AIG1: variants seen among roughly 807,000 people sequenced by gnomAD.
AIG1 encodes the protein androgen induced 1, also known as androgen-induced gene 1 protein.
In AIG1, 23 loss-of-function variants were observed where a neutral mutation model predicts 31.4. The observed-to-expected ratio is 0.73, with a 90% CI of 0.53 to 1.04. The LOEUF is 1.04. Ranked by LOEUF, AIG1 falls within the 50% of genes least tolerant of loss-of-function variation. AIG1 has a pLI of 0.00. For synonymous variants in AIG1, 100 were observed against 110.5 expected (o/e 0.90, Z 0.60); for missense variants, 274 against 295.0 (o/e 0.93, Z 0.52).
chr6:143,337,662 G>T (rs1705057478), intron 5 of AIG1, among the ~76,000 whole-genome samples: 1 of 152,150 alleles, frequency 6.6e-6, no homozygotes, highest in Admixed American at 6.5e-5. Flanking sequence ...AGGCAAGCGG[G>T]GAGACAGGAG....
At chr6:143,086,023 T>G (rs1274445351) in intron 1 of AIG1, among the ~76,000 whole-genome samples, 2 of 152,256 alleles carry the variant, frequency 1.3e-5, no homozygotes, top group African/African-American at 4.8e-5. Context: ...TTTTTTGACT[T>G]AGAATAGTTC....
chr6:143,277,335 T>C (rs1172204554), intron 3 of AIG1, among the ~76,000 whole-genome samples: 2 of 152,226 alleles, frequency 1.3e-5, no homozygotes, highest in African/African-American at 2.4e-5. Context: ...AATATAGCTA[T>C]AAACTTATTG....
At chr6:143,167,771 A>G (rs1236504144) in intron 3 of AIG1, among the ~76,000 whole-genome samples, 8 of 152,186 alleles carry the variant, frequency 5.3e-5, no homozygotes, top group African/African-American at 1.7e-4. Flanking sequence ...AAATTAGTTA[A>G]TATGTCAAAT....
In AIG1 at chr6:143,137,791, G is replaced by C. The variant is rs201215433; in HGVS notation, c.297+801G>C. Among the ~76,000 whole-genome samples, 13 of 152,236 alleles carry C rather than the reference G, an allele frequency of 8.5e-5. No homozygotes were observed. The East Asian group carries it at 2.3e-3, about 27-fold the overall frequency. ...TTTAACCTCTGTGTAGCCAGGAGAA[G>C]AGAACTCATATATATCACAAACTGT... On this transcript the variant is annotated intron_variant, in intron 2 of 5. Coordinates refer to ENST00000357847, the MANE Select transcript of AIG1 (RefSeq NM_016108.4).
chr6:143,176,209 C>T (rs1788142832), intron 3 of AIG1, among the ~76,000 whole-genome samples: 2 of 152,160 alleles, frequency 1.3e-5, no homozygotes, highest in South Asian at 4.1e-4. Flanking sequence ...GTGGAGGTAG[C>T]AGGGAAGAGA....
chr6:143,283,660 A>G (rs539045354), intron 3 of AIG1, among the ~76,000 whole-genome samples: 44 of 152,372 alleles, frequency 2.9e-4, no homozygotes, highest in African/African-American at 1.1e-3. Context: ...AAGAATTTCT[A>G]AACTACCATA....
At position 143,279,996 on chromosome 6, in the gene AIG1, G is replaced by A. The variant is rs955746536; in HGVS notation, c.400-4114G>A. On this transcript the variant is annotated intron_variant, in intron 3 of 5. Coordinates refer to ENST00000357847, the MANE Select transcript of AIG1 (RefSeq NM_016108.4). The surrounding 1 kb of genome is among the most constrained non-coding windows in gnomAD (Gnocchi z 5.4). Reference sequence around the variant, plus strand: ...CCTGGGGAATTGTTCTGTTGACAATGTACTGCAGAAAACAGTCCAAACAAT... The same window carrying A: ...CCTGGGGAATTGTTCTGTTGACAATATACTGCAGAAAACAGTCCAAACAAT... Among the ~76,000 whole-genome samples, 12 of 152,192 alleles carry A rather than the reference G, an allele frequency of 7.9e-5. No individual in the cohort carries two copies. Among genetic ancestry groups the A allele is most frequent in the African/African-American group, 1.9e-4 (8 of 41,446 alleles).
At chr6:143,073,595 A>G (rs577300395) in intron 1 of AIG1, among the ~76,000 whole-genome samples, 2 of 152,124 alleles carry the variant, frequency 1.3e-5, no homozygotes, top group Non-Finnish European at 2.9e-5. Flanking sequence ...ATGGTATCTC[A>G]TAGTGGTTTT....
At chr6:143,342,858 T>C (rs187292628), downstream of AIG1, 56 of 835,632 alleles carry the variant, frequency 6.7e-5, no homozygotes, top group East Asian at 1.3e-3. Flanking sequence ...CAAAAGTCCG[T>C]TGTTCTCCAA....
chr6:143,074,007 C>G (rs1242667470), intron 1 of AIG1, among the ~76,000 whole-genome samples: 1 of 152,168 alleles, frequency 6.6e-6, no homozygotes, highest in Non-Finnish European at 1.5e-5. Context: ...TATTGAGCAC[C>G]TTTTCATAGA....
downstream of AIG1, chr6:143,342,265 C>T: frequency 4.4e-6 from 3 of 685,184 alleles, no homozygotes; most frequent in Admixed American, 4.1e-5. Flanking sequence ...CGAGGCTGGG[C>T]GCAGAGAGGC....
rs562528116 is a variant in AIG1 at position 143,083,176 on chromosome 6, A to G, written c.141+22110A>G. On this transcript the variant is annotated intron_variant, in intron 1 of 5. Coordinates refer to ENST00000357847, the MANE Select transcript of AIG1 (RefSeq NM_016108.4). ...AGCAGAGCTGAGCCTTTGGTTTGGA[A>G]ACCTTGTAGCCACAAGTGGCGAGGA... Among the ~76,000 whole-genome samples, 5 of 152,320 alleles carry G rather than the reference A, an allele frequency of 3.3e-5. No homozygotes were observed. In the South Asian group the frequency reaches 1.0e-3, roughly 32 times the overall value.
At chr6:143,307,912 G>A (rs891396876) in intron 4 of AIG1, among the ~76,000 whole-genome samples, 47 of 152,322 alleles carry the variant, frequency 3.1e-4, no homozygotes, top group Admixed American at 2.1e-3. Flanking sequence ...GGGCAATGGC[G>A]GGCGCCCCTC....
intron 3 of AIG1, among the ~76,000 whole-genome samples, chr6:143,282,328 T>C (rs1205642894): frequency 1.3e-5 from 2 of 152,202 alleles, no homozygotes; most frequent in African/African-American, 4.8e-5. Flanking sequence ...ATTTTTCTTT[T>C]ATGTAAGATT....
intron 3 of AIG1, among the ~76,000 whole-genome samples, chr6:143,210,855 G>A (rs1225083904): frequency 1.3e-5 from 2 of 152,106 alleles, no homozygotes; most frequent in Non-Finnish European, 2.9e-5. Context: ...AAGGCCTTTT[G>A]ACTAAAAATA....
Position 143,165,198 on chromosome 6 carries a change from A to T in AIG1, c.399+15A>T. On this transcript the variant is annotated intron_variant, in intron 3 of 5. Coordinates refer to ENST00000357847, the MANE Select transcript of AIG1 (RefSeq NM_016108.4). ...ATCACGGAATGGTGAGTGGATTAAA[A>T]CAAACGGCTTTCTTTTATTTTAAAA... 6.3e-7 allele frequency: 1 copy of T among 1,575,700 alleles called. No homozygotes were observed. Among genetic ancestry groups the T allele is most frequent in the Middle Eastern group, 1.7e-4 (1 of 5,992 alleles).
chr6:143,176,663 A>C (rs908349759), intron 3 of AIG1, among the ~76,000 whole-genome samples: 5 of 152,220 alleles, frequency 3.3e-5, no homozygotes, highest in African/African-American at 9.6e-5. Flanking sequence ...CTTAGCTCCC[A>C]TGCAGCCTGC....
chr6:143,205,422 G>A (rs185397691), intron 3 of AIG1, among the ~76,000 whole-genome samples: 3 of 152,266 alleles, frequency 2.0e-5, no homozygotes. Context: ...AGTTTTTCCT[G>A]TATGAATCCT....
chr6:143,315,360 C>G (rs1775654660), intron 4 of AIG1, among the ~76,000 whole-genome samples: 1 of 152,066 alleles, frequency 6.6e-6, no homozygotes, highest in Non-Finnish European at 1.5e-5. Flanking sequence ...AGGCCCAGAA[C>G]AGCCAGTGCA....
Sources: allele counts gnomAD v4.1 joint callset (sites outside exome capture counted in the v4.1 genomes callset), GRCh38; gene constraint gnomAD v4.1.1; non-coding constraint Gnocchi (gnomAD v3.1); transcripts MANE v1.5; gene names NCBI Gene and HGNC (gene_info 2026-07-23, HGNC 2026-07-21).